MMS22L: variants seen among roughly 807,000 people sequenced by gnomAD.
MMS22L encodes the protein protein MMS22-like.
Under a neutral mutation model 159.1 loss-of-function variants are expected in MMS22L, and 74 were observed. The ratio of observed to expected loss-of-function variants is 0.47; its 90% confidence interval spans 0.39 to 0.56. The LOEUF (loss-of-function observed/expected upper bound fraction) is 0.56. Ranked by LOEUF, MMS22L falls within the 20% of genes least tolerant of loss-of-function variation. The probability of loss-of-function intolerance (pLI) is 0.00; values close to 1 mark genes in which losing one functional copy is unlikely to be tolerated. For missense variants in MMS22L, 1,351 were observed against 1,422.1 expected, an observed-to-expected ratio of 0.95 and a Z score of 0.80; for synonymous variants, 517 against 506.9, an observed-to-expected ratio of 1.02 and a Z score of -0.27.
chr6:97,178,829 A>G (rs1240637752), intron 17 of MMS22L, among the ~76,000 whole-genome samples: 1 of 152,122 alleles, frequency 6.6e-6, no homozygotes, highest in African/African-American at 2.4e-5. Flanking sequence ...ATATTAAAAT[A>G]AATTTGGAGG....
At chr6:97,279,136 C>T (rs985354356) in intron 3 of MMS22L, among the ~76,000 whole-genome samples, 1 of 152,160 alleles carries the variant, frequency 6.6e-6, no homozygotes, top group Non-Finnish European at 1.5e-5. Flanking sequence ...GCATATATCT[C>T]AAAAATTATT....
At chr6:97,273,336 TAA>T (rs2128094731) in intron 4 of MMS22L, among the ~76,000 whole-genome samples, 1 of 152,320 alleles carries the variant, frequency 6.6e-6, no homozygotes, top group South Asian at 2.1e-4. Context: ...TGGTGCCAGA[TAA>T]TGAGTCTTCT....
At chr6:97,177,510 G>A (rs1804246346) in intron 18 of MMS22L, among the ~76,000 whole-genome samples, 1 of 152,036 alleles carries the variant, frequency 6.6e-6, no homozygotes, top group African/African-American at 2.4e-5. Context: ...ATTAATTTGG[G>A]CTAGATGAAA....
rs78322689 is a variant in MMS22L, at chr6:97,142,287, T to A, written c.*4519A>T. ...AGCACAATTCACAAATGCAATGAAT[T>A]GGATAGCCATTGGCACATCAAAAAT... On this transcript the variant is annotated 3_prime_UTR_variant, in exon 25 of 25. Coordinates refer to ENST00000683635, the MANE Select transcript of MMS22L (RefSeq NM_001350599.2). 555 of 152,480 alleles carry A rather than the reference T, an allele frequency of 3.6e-3. 1 individual carries two copies. Among genetic ancestry groups the A allele is most frequent in the African/African-American group, 0.013 (528 of 41,570 alleles). The allele number at this position is 152,480 out of a possible 1,614,324, so 9.4% of individuals were successfully genotyped here. A position where few individuals can be genotyped will look rare whatever the true frequency, so the allele number is the denominator to read the frequency against.
At chr6:97,282,256 A>C (rs1816820125) in intron 2 of MMS22L, 58 bp downstream of exon 2, 1 of 1,557,712 alleles carries the variant, frequency 6.4e-7, no homozygotes, top group Admixed American at 1.8e-5. Context: ...AATAACTAAC[A>C]TTCCTAAAAA....
chr6:97,190,998 C>T (rs1562439634), intron 14 of MMS22L, among the ~76,000 whole-genome samples: 1 of 152,160 alleles, frequency 6.6e-6, no homozygotes, highest in Non-Finnish European at 1.5e-5. Flanking sequence ...CTTTAGCTTT[C>T]CTCATTATCT....
chr6:97,213,872 T>C (rs188260246), intron 14 of MMS22L, among the ~76,000 whole-genome samples: 1 of 152,258 alleles, frequency 6.6e-6, no homozygotes, highest in East Asian at 1.9e-4. Flanking sequence ...TTACCTATCA[T>C]TTCACCACAG....
chr6:97,255,394 T>C (rs931012748), intron 9 of MMS22L, among the ~76,000 whole-genome samples: 21 of 152,124 alleles, frequency 1.4e-4, no homozygotes, highest in Non-Finnish European at 1.5e-5. Context: ...TTTGTAACCA[T>C]CTTAAGTAAC....
intron 14 of MMS22L, among the ~76,000 whole-genome samples, chr6:97,225,721 C>G (rs975719022): frequency 3.3e-5 from 5 of 152,028 alleles, no homozygotes; most frequent in Non-Finnish European, 7.4e-5. Context: ...TACAGGCACC[C>G]GCCACCACGC....
chr6:97,204,096 A>G (rs1207301464), intron 14 of MMS22L, among the ~76,000 whole-genome samples: 1 of 152,226 alleles, frequency 6.6e-6, no homozygotes, highest in Non-Finnish European at 1.5e-5. Flanking sequence ...TGATGCTCCG[A>G]AAAAATTTAT....
chr6:97,195,202 A>C (rs573277648), intron 14 of MMS22L, among the ~76,000 whole-genome samples: 1 of 152,174 alleles, frequency 6.6e-6, no homozygotes, highest in Non-Finnish European at 1.5e-5. Flanking sequence ...AGTGAGAAGA[A>C]AAAGTGCAAA....
In MMS22L at chr6:97,267,968, C is replaced by A; in HGVS notation, c.732G>T (p.Leu244=). 1 of 1,602,408 alleles carries A rather than the reference C, an allele frequency of 6.2e-7. No homozygotes were observed. ...TGATGTTGGTTAAATTGTCACTTGCCAGATTCATAAACTGATGACCATATA... is the reference window on the plus strand; with the variant it reads ...TGATGTTGGTTAAATTGTCACTTGCAAGATTCATAAACTGATGACCATATA... ...QVVYGHQFMN[L]ASDNLTNISL... The change falls in exon 8 of 25, where the codon CTG becomes CTT. Residue 244 remains leucine, a synonymous_variant. Transcript: ENST00000683635.
rs142406880 is a variant in MMS22L, at chr6:97,267,926, A to G, written c.774T>C (p.His258=). The G allele has an allele frequency of 8.7e-5, 140 of 1,609,968 alleles. No individual in the cohort carries two copies. Among genetic ancestry groups the G allele is most frequent in the Middle Eastern group, 1.6e-4 (1 of 6,074 alleles). Residue 258 remains histidine (H), a synonymous_variant, in exon 8 of 25, where the codon CAT becomes CAC. Coordinates refer to ENST00000683635, the MANE Select transcript of MMS22L (RefSeq NM_001350599.2). Reference sequence around the variant, plus strand: ...TTAAATCACAAAGGAGAGTTTCACAATGTTCTTCAAATAGGCTGATGTTGG... The same window carrying G: ...TTAAATCACAAAGGAGAGTTTCACAGTGTTCTTCAAATAGGCTGATGTTGG... The part of the protein sequence containing the change: ...NLTNISLFEE[H]CETLLCDLIS...
Position 97,181,836 on chromosome 6 carries a change from T to C in MMS22L, c.2384+68A>G, listed in dbSNP as rs560376999. The C allele has an allele frequency of 1.1e-5, 16 of 1,503,604 alleles. No homozygotes were observed. The South Asian group carries it at 2.0e-4, about 19-fold the overall frequency. The allele number at this position is 1,503,604 out of a possible 1,614,324, so 93.1% of individuals were successfully genotyped here. A position where few individuals can be genotyped will look rare whatever the true frequency, so the allele number is the denominator to read the frequency against. On this transcript the variant is annotated intron_variant, in intron 16 of 24. Transcript: ENST00000683635. ...ATCAGTCCTCATTTGTGAAAATTCT[T>C]AGCTTCCTAGGATACTGATCTGTCA...
At chr6:97,270,365 A>G (rs1441535578) in intron 6 of MMS22L, 3 of 447,678 alleles carry the variant, frequency 6.7e-6, no homozygotes, top group East Asian at 6.9e-5. Flanking sequence ...TTTTTAATGT[A>G]TGAGTACCCA....
chr6:97,173,374 G>T, intron 18 of MMS22L, 152 bp from the exon 19 acceptor site: 1 of 606,834 alleles, frequency 1.6e-6, no homozygotes, highest in Non-Finnish European at 2.8e-6. Flanking sequence ...AGAGACATAG[G>T]AATTAAAACA....
chr6:97,266,698 G>C (rs1473657771), intron 8 of MMS22L: 2 of 152,128 alleles, frequency 1.3e-5, no homozygotes, highest in Admixed American at 6.5e-5. Context: ...CAACAATATG[G>C]ATGAACCTGG....
Position 97,231,664 on chromosome 6 carries a change from GA to G in MMS22L, c.1303-13del, listed in dbSNP as rs34952523. 1,072,070 of 1,510,600 alleles carry G rather than the reference GA, an allele frequency of 0.71. 391,182 individuals carry two copies. The highest frequency in any genetic ancestry group is 0.75 in the Non-Finnish European group (826,752 of 1,096,180). 93.6% of individuals were successfully genotyped at this position (1,510,600 alleles called of 1,614,324 possible). A position where few individuals can be genotyped will look rare whatever the true frequency, so the allele number is the denominator to read the frequency against. ...CTGAAGGAACTATTCTAAAAGGGGG[GA>G]AAAAAAAGATAGAAAACAATTATTA... On this transcript the variant is annotated splice_polypyrimidine_tract_variant and intron_variant, in intron 12 of 24. Coordinates refer to ENST00000683635, the MANE Select transcript of MMS22L (RefSeq NM_001350599.2).
At chr6:97,187,566 T>C (rs1257736505) in intron 14 of MMS22L, among the ~76,000 whole-genome samples, 2 of 152,176 alleles carry the variant, frequency 1.3e-5, no homozygotes, top group African/African-American at 4.8e-5. Context: ...CATGGATACA[T>C]TTACATTTGC....
Sources: gnomAD v4.1 joint callset for allele counts (sites outside exome capture counted in the v4.1 genomes callset) on GRCh38, gnomAD v4.1.1 for gene constraint, MANE v1.5 for transcripts, NCBI Gene and HGNC (gene_info 2026-07-23, HGNC 2026-07-21) for gene names.